Variants in METTL8 observed in about 807,000 individuals in gnomAD.
The protein encoded by METTL8 is tRNA N(3)-cytidine methyltransferase METTL8, mitochondrial.
METTL8 carries 32 observed loss-of-function variants against 48.7 expected under a neutral mutation model. The ratio of observed to expected loss-of-function variants is 0.66; its 90% CI spans 0.50 to 0.88. The LOEUF is 0.88. Among genes scored for constraint, METTL8 ranks in the 40% least tolerant of loss-of-function variants. The probability of loss-of-function intolerance (pLI) is 0.00; values close to 1 mark genes in which losing one functional copy is unlikely to be tolerated. For missense variants in METTL8, 464 were observed against 474.4 expected, an observed-to-expected ratio of 0.98 and a Z score of 0.20; for synonymous variants, 136 against 157.1, an observed-to-expected ratio of 0.87 and a Z score of 1.01.
chr2:171,342,433 TTCTATC>T (rs539182665), intron 3 of METTL8, among the ~76,000 whole-genome samples: 103 of 152,374 alleles, frequency 6.8e-4, no homozygotes, highest in South Asian at 1.9e-3. Context: ...TTTTAAATAT[TTCTATC>T]TCTATTTTCC....
At chr2:171,381,921 A>G (rs1687585329) in intron 2 of METTL8, among the ~76,000 whole-genome samples, 1 of 151,784 alleles carries the variant, frequency 6.6e-6, no homozygotes, top group African/African-American at 2.4e-5. Context: ...AGCTGGGACT[A>G]CAGGCACGCA....
intron 2 of METTL8, among the ~76,000 whole-genome samples, chr2:171,383,956 G>A (rs1028028669): frequency 6.6e-6 from 1 of 152,156 alleles, no homozygotes; most frequent in Non-Finnish European, 1.5e-5. Context: ...AGAAATGAAA[G>A]CAGGGACACA....
intron 1 of METTL8, among the ~76,000 whole-genome samples, chr2:171,401,519 T>C (rs1198365055): frequency 6.6e-6 from 1 of 152,158 alleles, no homozygotes; most frequent in African/African-American, 2.4e-5. Context: ...AATTTCATGC[T>C]TAGCGTTTGT....
At chr2:171,387,039 C>G (rs1008769122) in intron 2 of METTL8, among the ~76,000 whole-genome samples, 6 of 152,164 alleles carry the variant, frequency 3.9e-5, no homozygotes, top group African/African-American at 1.4e-4. Flanking sequence ...GAGCTACTTC[C>G]ACTCAGTAAA....
chr2:171,331,258 C>T (rs1452839048), intron 6 of METTL8, among the ~76,000 whole-genome samples: 2 of 150,872 alleles, frequency 1.3e-5, no homozygotes, highest in African/African-American at 4.9e-5. Flanking sequence ...TTACAGGCAC[C>T]CACCACCATG....
chr2:171,418,799 C>CA (rs1441466644), intron 1 of METTL8, among the ~76,000 whole-genome samples: 2 of 151,878 alleles, frequency 1.3e-5, no homozygotes, highest in African/African-American at 4.8e-5. Flanking sequence ...ACCAAAAATA[C>CA]AAAAAATTAG....
At chr2:171,335,913 G>A (rs561681876) in intron 5 of METTL8, among the ~76,000 whole-genome samples, 12 of 152,104 alleles carry the variant, frequency 7.9e-5, no homozygotes, top group African/African-American at 2.9e-4. Flanking sequence ...TTTTATAATG[G>A]AAAAATAATG....
intron 2 of METTL8, among the ~76,000 whole-genome samples, chr2:171,384,764 C>G (rs914221027): frequency 5.3e-5 from 8 of 151,790 alleles, no homozygotes; most frequent in Non-Finnish European, 1.0e-4. Flanking sequence ...CCTAGGAGGT[C>G]AAAACTGCAA....
At chr2:171,415,772 G>A (rs114085242) in intron 1 of METTL8, among the ~76,000 whole-genome samples, 3,069 of 152,084 alleles carry the variant, frequency 0.02, 111 homozygotes, top group African/African-American at 0.067. Context: ...TCCACTCTAG[G>A]GAATAAAAGA....
At chr2:171,382,079 G>C (rs1293269582) in intron 2 of METTL8, among the ~76,000 whole-genome samples, 2 of 152,114 alleles carry the variant, frequency 1.3e-5, no homozygotes, top group African/African-American at 4.8e-5. Context: ...ACCGCGCCCA[G>C]CCAGGAATGC....
chr2:171,434,421 C>A, upstream of METTL8: 1 of 1,300,982 alleles, frequency 7.7e-7, no homozygotes, highest in Non-Finnish European at 1.1e-6. Context: ...GCCCCGCCGT[C>A]GGGTGCTCCC....
chr2:171,380,137 A>G (rs1272582762), intron 2 of METTL8, among the ~76,000 whole-genome samples: 1 of 152,248 alleles, frequency 6.6e-6, no homozygotes, highest in Admixed American at 6.5e-5. Flanking sequence ...AACTGAACCA[A>G]TGACAAAAAC....
intron 6 of METTL8, 137 bp from the exon 7 acceptor site, chr2:171,330,835 C>G (rs979313145): frequency 1.2e-5 from 8 of 667,116 alleles, no homozygotes; most frequent in Non-Finnish European, 2.0e-5. Flanking sequence ...CACTTTTTTC[C>G]AATTCAGTAT....
At chr2:171,388,915 T>C (rs1159272826) in intron 2 of METTL8, among the ~76,000 whole-genome samples, 1 of 152,178 alleles carries the variant, frequency 6.6e-6, no homozygotes. Flanking sequence ...AACAGCTAAT[T>C]TAATTGATAA....
chr2:171,399,172 C>T (rs1558963), intron 1 of METTL8, among the ~76,000 whole-genome samples: 31,960 of 151,894 alleles, frequency 0.21, 4,178 homozygotes, highest in East Asian at 0.6. Flanking sequence ...AGGGCCATGC[C>T]CCTATGAGAT....
chr2:171,334,071 TAAAACAAAACAAAACAAAAC>T (rs148818231), intron 5 of METTL8, among the ~76,000 whole-genome samples: 1 of 150,834 alleles, frequency 6.6e-6, no homozygotes, highest in African/African-American at 2.4e-5. Context: ...CATAGTCCTC[TAAAACAAAACAAAACAAAAC>T]AAAACAAAAC....
At chr2:171,369,938 T>G (rs1686136403) in intron 2 of METTL8, among the ~76,000 whole-genome samples, 1 of 151,858 alleles carries the variant, frequency 6.6e-6, no homozygotes, top group African/African-American at 2.4e-5. Flanking sequence ...TGGTGGTGCA[T>G]GCCTATAATC....
chr2:171,364,295 C>T (rs1235024862), intron 2 of METTL8, among the ~76,000 whole-genome samples: 1 of 151,972 alleles, frequency 6.6e-6, no homozygotes, highest in Non-Finnish European at 1.5e-5. Context: ...ATATGTAAAA[C>T]CTGTACTCTA....
intron 3 of METTL8, among the ~76,000 whole-genome samples, chr2:171,353,146 C>T (rs1276541056): frequency 6.6e-6 from 1 of 152,138 alleles, no homozygotes; most frequent in East Asian, 1.9e-4. Context: ...TTAAATGTGT[C>T]CCAGAGATTC....
Sources: allele counts gnomAD v4.1 joint callset (sites outside exome capture counted in the v4.1 genomes callset), GRCh38; gene constraint gnomAD v4.1.1; transcripts MANE v1.5; gene names NCBI Gene and HGNC (gene_info 2026-07-23, HGNC 2026-07-21).